The following ZNF114 variants were observed in gnomAD, a reference collection of about 807,000 sequenced individuals.
ZNF114 encodes the protein zinc finger protein 114 (Y18).
In ZNF114, 8 loss-of-function variants were observed where a neutral mutation model predicts 6.8. The ratio of observed to expected loss-of-function variants is 1.18; its 90% CI spans 0.69 to 2.13. ZNF114 has a LOEUF of 2.13. Ranked by LOEUF, ZNF114 falls within the 30% of genes most tolerant of loss-of-function variation. The pLI is 0.00. For missense variants in ZNF114, 472 were observed against 519.5 expected (o/e 0.91, Z 0.89); for synonymous variants, 169 against 185.5 (o/e 0.91, Z 0.72).
At chr19:48,274,387 T>C (rs1045122585) in intron 3 of ZNF114, among the ~76,000 whole-genome samples, 1 of 151,386 alleles carries the variant, frequency 6.6e-6, no homozygotes, top group Non-Finnish European at 1.5e-5. Flanking sequence ...ACTATTTAAG[T>C]TGACCACAGT....
chr19:48,273,757 CT>C (rs779316334), intron 3 of ZNF114, among the ~76,000 whole-genome samples: 22,284 of 126,800 alleles, frequency 0.18, 1,334 homozygotes, highest in South Asian at 0.21. Context: ...TGGGGCTTTT[CT>C]TTTTTTTTTT....
intron 5 of ZNF114, among the ~76,000 whole-genome samples, chr19:48,283,905 T>C (rs1568994471): frequency 6.6e-6 from 1 of 152,126 alleles, no homozygotes; most frequent in Non-Finnish European, 1.5e-5. Flanking sequence ...GGCTAATTTT[T>C]GTATTTTTAG....
chr19:48,282,451 C>T lies in ZNF114; in HGVS notation c.90C>T (p.Leu30=). ...TGCTGGACCCAGCTCAGAGGAATCT[C>T]TACAGAGACGTGATGCTGGAAAATT... is the stretch of plus-strand genomic sequence containing the variant. ...WTLLDPAQRN[L]YRDVMLENSR... is the part of the protein sequence containing the mutation. Residue 30 remains leucine (L), a synonymous_variant, in exon 5 of 6, where the codon CTC becomes CTT. Transcript: ENST00000595607. 7 of 1,612,420 alleles carry T rather than the reference C, an allele frequency of 4.3e-6. No homozygotes were observed. The highest frequency in any genetic ancestry group is 5.9e-6 in the Non-Finnish European group (7 of 1,178,942).
chr19:48,278,734 G>A (rs1254467929), intron 3 of ZNF114, among the ~76,000 whole-genome samples: 1 of 152,098 alleles, frequency 6.6e-6, no homozygotes, highest in Non-Finnish European at 1.5e-5. Flanking sequence ...TTGAGGTCAG[G>A]AGTTCGAGAC....
chr19:48,278,787 C>T (rs916813680), intron 3 of ZNF114, among the ~76,000 whole-genome samples: 5 of 151,984 alleles, frequency 3.3e-5, no homozygotes, highest in African/African-American at 1.2e-4. Context: ...ACTAAAAGTA[C>T]AAAAAATTAG....
At chr19:48,274,113 C>T (rs201398623) in intron 3 of ZNF114, among the ~76,000 whole-genome samples, 1 of 141,520 alleles carries the variant, frequency 7.1e-6, no homozygotes, top group Non-Finnish European at 1.6e-5. Context: ...TACACACACA[C>T]ATATATATAA....
Position 48,287,090 on chromosome 19 carries a change from T to G in ZNF114, c.*212T>G. On this transcript the variant is annotated 3_prime_UTR_variant, in exon 6 of 6. Coordinates refer to ENST00000595607, the MANE Select transcript of ZNF114 (RefSeq NM_153608.4). ...CTTGAGTAGACATTTGTTCTCACCC[T>G]GGAGAGAAACTGCGAATCTAAAAGG... 1 of 439,814 alleles carries G rather than the reference T, an allele frequency of 2.3e-6. No individual in the cohort carries two copies. The highest frequency in any genetic ancestry group is 3.9e-6 in the Non-Finnish European group (1 of 258,970). 27.2% of individuals were successfully genotyped at this position (439,814 alleles called of 1,614,324 possible). A position where few individuals can be genotyped will look rare whatever the true frequency, so the allele number is the denominator to read the frequency against.
intron 5 of ZNF114, among the ~76,000 whole-genome samples, chr19:48,283,679 G>T (rs550212024): frequency 1.3e-5 from 2 of 151,910 alleles, no homozygotes; most frequent in Non-Finnish European, 2.9e-5. Flanking sequence ...GGTGCCAACC[G>T]AGGAGATGGG....
intron 5 of ZNF114, 71 bp downstream of exon 5, chr19:48,282,568 G>T: frequency 1.3e-6 from 2 of 1,519,118 alleles, no homozygotes; most frequent in Non-Finnish European, 1.8e-6. Flanking sequence ...GTTCTGGGAA[G>T]TGCATTGGAA....
At chr19:48,282,123 C>A (rs554242293) in intron 4 of ZNF114, 30 of 333,306 alleles carry the variant, frequency 9.0e-5, no homozygotes, top group South Asian at 5.0e-4. Flanking sequence ...TGGTCTCGAA[C>A]TCCTGACCTT....
chr19:48,272,319 G>A (rs954104345), intron 3 of ZNF114, among the ~76,000 whole-genome samples: 2 of 151,874 alleles, frequency 1.3e-5, no homozygotes, highest in Non-Finnish European at 2.9e-5. Context: ...GGCTGAGGCA[G>A]TAGAATCGCT....
In ZNF114 at chr19:48,286,546, G is replaced by A. The variant is rs764656612; in HGVS notation, c.922G>A (p.Glu308Lys). The change falls in exon 6 of 6, where the codon GAA becomes AAA. Residue 308 changes from glutamate (E) to lysine (K), a missense_variant. Transcript: ENST00000595607. ...TGGAGAGAAAACCCATAAATGCCCC[G>A]AATGTGGGAGAGCCTTTTTTTATCA... ...CTGEKTHKCP[E>K]CGRAFFYQSF... 1.1e-5 allele frequency: 17 copies of A among 1,613,944 alleles called. No individual in the cohort carries two copies. The highest frequency in any genetic ancestry group is 9.3e-5 in the African/African-American group (7 of 74,908).
rs772914238 is a variant in ZNF114 at position 48,286,227 on chromosome 19, T to G, written c.603T>G (p.Thr201=). Reference sequence around the variant, plus strand: ...CAGAGCTGAAATCAAGCACATGGACTGGCAGTCAGAACACTGTGCATCATA... The same window carrying G: ...CAGAGCTGAAATCAAGCACATGGACGGGCAGTCAGAACACTGTGCATCATA... The part of the protein sequence containing the change: ...RKTELKSSTW[T]GSQNTVHHIR... The change falls in exon 6 of 6, where the codon ACT becomes ACG. Residue 201 remains threonine, a synonymous_variant. Transcript: ENST00000595607. 4 of 1,614,194 alleles carry G rather than the reference T, an allele frequency of 2.5e-6. No homozygotes were observed. The highest frequency in any genetic ancestry group is 3.4e-6 in the Non-Finnish European group (4 of 1,180,032).
At chr19:48,282,982 C>G (rs1282984707) in intron 5 of ZNF114, among the ~76,000 whole-genome samples, 1 of 152,004 alleles carries the variant, frequency 6.6e-6, no homozygotes, top group Admixed American at 6.6e-5. Context: ...TCCGGAAGTG[C>G]TGGGATTACA....
chr19:48,277,706 T>C (rs536780823), intron 3 of ZNF114, among the ~76,000 whole-genome samples: 1 of 152,054 alleles, frequency 6.6e-6, no homozygotes, highest in South Asian at 2.1e-4. Context: ...TGTTCCCAGA[T>C]CAGCCATGTT....
intron 5 of ZNF114, among the ~76,000 whole-genome samples, 157 bp from the exon 6 acceptor site, chr19:48,285,596 AAAGGAAGG>A (rs375002507): frequency 2.3e-4 from 34 of 150,650 alleles, no homozygotes; most frequent in African/African-American, 7.8e-4. Context: ...GAAAAGAAAG[AAAGGAAGG>A]AAGGAAGGAA....
rs140343184 is a variant in ZNF114, at chr19:48,286,876, T to G, written c.1252T>G (p.Ter418GlyextTer17). The change falls in exon 6 of 6, where the codon TGA becomes GGA. Residue 418 changes from the stop codon to glycine (G), a stop_lost. Coordinates refer to ENST00000595607, the MANE Select transcript of ZNF114 (RefSeq NM_153608.4). ...KTHKDEKPCE[*>G] ...TCACAAAGATGAGAAGCCCTGTGAA[T>G]GAAAGGAAGGTGGAAAATTTTTCAT... 5.7e-4 allele frequency: 888 copies of G among 1,552,116 alleles called. 1 individual carries two copies. Among genetic ancestry groups the G allele is most frequent in the Non-Finnish European group, 7.1e-4 (824 of 1,156,508 alleles).
intron 3 of ZNF114, among the ~76,000 whole-genome samples, chr19:48,278,740 G>A (rs893254341): frequency 6.6e-6 from 1 of 152,098 alleles, no homozygotes; most frequent in African/African-American, 2.4e-5. Flanking sequence ...TCAGGAGTTC[G>A]AGACCAGCCT....
At chr19:48,279,674 T>G (rs1023665254) in intron 3 of ZNF114, 57 bp from the exon 4 acceptor site, 2 of 1,205,910 alleles carry the variant, frequency 1.7e-6, no homozygotes, top group African/African-American at 3.0e-5. Context: ...AGGATCCACA[T>G]ACGAGTGTGG....
Sources: allele counts gnomAD v4.1 joint callset (sites outside exome capture counted in the v4.1 genomes callset), GRCh38; gene constraint gnomAD v4.1.1; transcripts MANE v1.5; gene names NCBI Gene and HGNC (gene_info 2026-07-23, HGNC 2026-07-21).